The following C13orf42 variants were observed in gnomAD, a reference collection of about 807,000 sequenced individuals.
C13orf42 encodes uncharacterized protein C13orf42.
chr13:51,106,566 G>A (rs1042777267), intron 1 of C13orf42, among the ~76,000 whole-genome samples: 3 of 152,128 alleles, frequency 2.0e-5, no homozygotes, highest in Non-Finnish European at 2.9e-5. Context: ...ACGCCCCCAA[G>A]CCCCAGTTTT....
chr13:51,141,566 G>C (rs1953696350), intron 1 of C13orf42, among the ~76,000 whole-genome samples: 1 of 152,184 alleles, frequency 6.6e-6, no homozygotes, highest in Admixed American at 6.5e-5. Context: ...TTGGGAGGCT[G>C]AGGTGGGCGG....
At chr13:51,152,436 C>T (rs952331059) in intron 1 of C13orf42, among the ~76,000 whole-genome samples, 3 of 152,210 alleles carry the variant, frequency 2.0e-5, no homozygotes, top group Non-Finnish European at 4.4e-5. Context: ...CAGCCCTGAC[C>T]TCCTGGGCTC....
At chr13:51,159,893 C>G (rs923450480) in intron 1 of C13orf42, among the ~76,000 whole-genome samples, 1 of 152,168 alleles carries the variant, frequency 6.6e-6, no homozygotes, top group Non-Finnish European at 1.5e-5. Flanking sequence ...TTCCACATGG[C>G]TAGGGAAACT....
chr13:51,149,056 A>G (rs1277343160), intron 1 of C13orf42, among the ~76,000 whole-genome samples: 1 of 152,192 alleles, frequency 6.6e-6, no homozygotes, highest in African/African-American at 2.4e-5. Flanking sequence ...GAGATTCTGA[A>G]TGAGGCTTCT....
intron 1 of C13orf42, among the ~76,000 whole-genome samples, chr13:51,105,727 T>C (rs898165149): frequency 1.4e-4 from 21 of 152,222 alleles, no homozygotes; most frequent in Admixed American, 5.9e-4. Flanking sequence ...TTCTATGATT[T>C]TTTTTCTCTC....
intron 1 of C13orf42, among the ~76,000 whole-genome samples, chr13:51,128,609 C>A (rs931818527): frequency 2.6e-5 from 4 of 152,180 alleles, no homozygotes; most frequent in African/African-American, 9.7e-5. Flanking sequence ...AGGTTAGAGT[C>A]CTTCCTAAGA....
intron 1 of C13orf42, among the ~76,000 whole-genome samples, chr13:51,105,574 T>C (rs1953344653): frequency 6.6e-6 from 1 of 152,194 alleles, no homozygotes; most frequent in African/African-American, 2.4e-5. Flanking sequence ...ATGGGTATGG[T>C]TCTTCTCAGA....
intron 2 of C13orf42, among the ~76,000 whole-genome samples, 182 bp from the exon 3 acceptor site, chr13:51,085,741 T>C (rs1405242871): frequency 6.6e-6 from 1 of 152,230 alleles, no homozygotes; most frequent in Non-Finnish European, 1.5e-5. Flanking sequence ...TGCAATGGAA[T>C]ATATGTCCAT....
chr13:51,168,250 A>C (rs1292740627), intron 1 of C13orf42, among the ~76,000 whole-genome samples: 3 of 152,218 alleles, frequency 2.0e-5, no homozygotes, highest in Non-Finnish European at 4.4e-5. Context: ...CCAAGATTTA[A>C]ACCTAGTTTA....
intron 1 of C13orf42, among the ~76,000 whole-genome samples, chr13:51,145,548 G>A (rs549710963): frequency 6.3e-4 from 96 of 152,152 alleles, no homozygotes; most frequent in African/African-American, 2.3e-3. Context: ...TTAAAAAAGG[G>A]GGGAAATGTT....
intron 1 of C13orf42, among the ~76,000 whole-genome samples, chr13:51,119,636 G>A (rs917854567): frequency 7.2e-5 from 11 of 152,174 alleles, no homozygotes; most frequent in East Asian, 1.9e-4. Flanking sequence ...ATGATGCGAC[G>A]TGAAATAAGA....
intron 1 of C13orf42, among the ~76,000 whole-genome samples, chr13:51,128,264 A>T (rs757205801): frequency 2.2e-4 from 33 of 152,190 alleles, no homozygotes; most frequent in Non-Finnish European, 3.5e-4. Flanking sequence ...GCTTGCATTC[A>T]CTTTACTCTA....
At chr13:51,162,740 C>T (rs1218734048) in intron 1 of C13orf42, among the ~76,000 whole-genome samples, 7 of 152,310 alleles carry the variant, frequency 4.6e-5, no homozygotes, top group African/African-American at 1.4e-4. Context: ...CAAGCCGAGG[C>T]TCAATGCGAT....
intron 1 of C13orf42, among the ~76,000 whole-genome samples, chr13:51,160,336 C>A (rs1319795524): frequency 2.0e-5 from 3 of 152,182 alleles, no homozygotes; most frequent in Non-Finnish European, 4.4e-5. Flanking sequence ...TGGTGAAACC[C>A]CATTTCTACT....
chr13:51,159,420 T>G (rs1465700797), intron 1 of C13orf42, among the ~76,000 whole-genome samples: 1 of 152,162 alleles, frequency 6.6e-6, no homozygotes, highest in African/African-American at 2.4e-5. Context: ...GTCTGAAACC[T>G]TTCCTTGAGT....
intron 1 of C13orf42, among the ~76,000 whole-genome samples, chr13:51,134,291 G>T (rs1471073529): frequency 6.6e-6 from 1 of 152,058 alleles, no homozygotes; most frequent in Non-Finnish European, 1.5e-5. Flanking sequence ...CACCACATTT[G>T]CCCTCTTTTC....
intron 1 of C13orf42, among the ~76,000 whole-genome samples, chr13:51,121,508 C>T (rs1045756667): frequency 6.6e-6 from 1 of 150,528 alleles, no homozygotes; most frequent in African/African-American, 2.4e-5. Flanking sequence ...GGCTATTCCA[C>T]TTCTAGTACT....
At chr13:51,124,955 T>G (rs1435299050) in intron 1 of C13orf42, among the ~76,000 whole-genome samples, 1 of 152,206 alleles carries the variant, frequency 6.6e-6, no homozygotes. Context: ...AATGAATTTT[T>G]TTTTCCTTTT....
intron 1 of C13orf42, among the ~76,000 whole-genome samples, chr13:51,165,481 G>T (rs1344360730): frequency 1.3e-5 from 2 of 152,154 alleles, no homozygotes; most frequent in Non-Finnish European, 2.9e-5. Context: ...TAAACCCAGG[G>T]ACTAGGACCT....
Sources: allele counts gnomAD v4.1 joint callset (sites outside exome capture counted in the v4.1 genomes callset), GRCh38; gene constraint gnomAD v4.1.1; transcripts MANE v1.5; gene names NCBI Gene and HGNC (gene_info 2026-07-23, HGNC 2026-07-21).